Variants in CAST observed in about 807,000 individuals in gnomAD.
The protein encoded by CAST is MIR583 host.
In CAST, 76 loss-of-function variants were observed where a neutral mutation model predicts 119.6. That is an observed-to-expected ratio of 0.64 (90% CI 0.53 to 0.77). The LOEUF (loss-of-function observed/expected upper bound fraction) is 0.77, where lower values mean the gene tolerates loss of function less well. CAST is among the 30% of genes least tolerant of loss of function. The pLI is 0.00. For missense variants in CAST, 953 were observed against 946.5 expected (o/e 1.01, Z -0.09); for synonymous variants, 319 against 331.6 (o/e 0.96, Z 0.41).
At chr5:96,432,857 T>A in the CAST span, 6 of 1,612,750 alleles carry the variant, frequency 3.7e-6, no homozygotes, top group Non-Finnish European at 5.1e-6. Flanking sequence ...AAGTGGAAAC[T>A]CTTACCTGAC....
the CAST span, among the ~76,000 whole-genome samples, chr5:96,231,131 A>C: frequency 1.3e-5 from 2 of 152,176 alleles, no homozygotes; most frequent in Admixed American, 1.3e-4. Context: ...TCCTTCTAGA[A>C]TATACACCCA....
chr5:96,679,809 CTTTT>C (rs1307968696), intron 2 of CAST, among the ~76,000 whole-genome samples: 1 of 151,162 alleles, frequency 6.6e-6, no homozygotes, highest in African/African-American at 2.4e-5. Flanking sequence ...TTTTTTTTTA[CTTTT>C]TTCTTTTAAT....
In CAST at chr5:96,762,412, G is replaced by A. The variant is rs144506614; in HGVS notation, c.1932+40G>A. ...TTATTTGGGAGATAAATGTTTTTGC[G>A]CAGCCACAACTAGAAAGAAAATAGG... is the stretch of plus-strand genomic sequence containing the variant. On this transcript the variant is annotated intron_variant, in intron 25 of 31. Transcript: ENST00000675179. The A allele has an allele frequency of 2.8e-3, 4,018 of 1,430,376 alleles. 22 individuals are homozygous for A. Among genetic ancestry groups the A allele is most frequent in the East Asian group, 0.024 (991 of 41,554 alleles). 88.6% of individuals were successfully genotyped at this position (1,430,376 alleles called of 1,614,324 possible).
chr5:96,203,320 A>T, the CAST span, among the ~76,000 whole-genome samples: 3 of 148,896 alleles, frequency 2.0e-5, no homozygotes, highest in South Asian at 2.1e-4. Context: ...TATTCCACAA[A>T]TTTTTTTTTT....
rs1449740897 is a variant in CAST at position 96,534,767 on chromosome 5, AAG to A, written c.60+4889_60+4890del. 5.8e-5 allele frequency among the ~76,000 whole-genome samples: 7 copies of A among 119,688 alleles called. 1 individual carries two copies. Among genetic ancestry groups the A allele is most frequent in the African/African-American group, 2.3e-4 (7 of 30,200 alleles). The allele number at this position is 119,688 out of a possible 152,430, so 78.5% of individuals were successfully genotyped here. A position where few individuals can be genotyped will look rare whatever the true frequency, so the allele number is the denominator to read the frequency against. ...AAAGAAAGAAAGAAAGAAAGAAAGAAAGAAAGAAAGAAAGAAAGAAAGAAAGA... is the reference window on the plus strand; with the variant it reads ...AAAGAAAGAAAGAAAGAAAGAAAGAAAAAGAAAGAAAGAAAGAAAGAAAGA... On this transcript the variant is annotated intron_variant, in intron 1 of 11. Transcript: ENST00000505143.
At chr5:96,045,038 A>G in the CAST span, among the ~76,000 whole-genome samples, 1 of 152,120 alleles carries the variant, frequency 6.6e-6, no homozygotes, top group South Asian at 2.1e-4. Flanking sequence ...TGGTGGTTTC[A>G]TGGGTTTGTT....
intron 1 of CAST, among the ~76,000 whole-genome samples, chr5:96,563,828 T>C (rs1452452759): frequency 2.0e-5 from 3 of 152,206 alleles, no homozygotes; most frequent in African/African-American, 7.2e-5. Context: ...TGAGGTCTTC[T>C]GAGCCTAAAC....
chr5:96,013,625 A>T, the CAST span, among the ~76,000 whole-genome samples: 2 of 152,140 alleles, frequency 1.3e-5, no homozygotes, highest in South Asian at 4.1e-4. Context: ...ATCATAGAGT[A>T]TACTTACACA....
the CAST span, among the ~76,000 whole-genome samples, chr5:95,962,391 C>T: frequency 6.6e-6 from 1 of 152,190 alleles, no homozygotes; most frequent in East Asian, 1.9e-4. Context: ...CAGGAGGACT[C>T]GCTAGAGAGC....
the CAST span, among the ~76,000 whole-genome samples, chr5:96,368,665 A>G: frequency 6.6e-6 from 1 of 151,990 alleles, no homozygotes. Flanking sequence ...ATTTCTGTCC[A>G]CTATCTCTCT....
the CAST span, among the ~76,000 whole-genome samples, chr5:95,963,051 T>C: frequency 1.3e-5 from 2 of 152,148 alleles, no homozygotes; most frequent in African/African-American, 4.8e-5. Context: ...TGTCAGAGGA[T>C]GGATTAATTG....
chr5:96,647,771 C>A (rs1748036058), intron 1 of CAST, among the ~76,000 whole-genome samples: 1 of 152,154 alleles, frequency 6.6e-6, no homozygotes, highest in Non-Finnish European at 1.5e-5. Context: ...TTCCCGAGCT[C>A]CTTCAGAAAG....
the CAST span, among the ~76,000 whole-genome samples, chr5:96,102,580 G>T: frequency 6.6e-6 from 1 of 152,158 alleles, no homozygotes; most frequent in Non-Finnish European, 1.5e-5. Context: ...TGGCTCGAAG[G>T]TGGAGTTTTG....
the CAST span, among the ~76,000 whole-genome samples, chr5:96,166,382 AAC>A: frequency 6.6e-6 from 1 of 152,186 alleles, no homozygotes; most frequent in African/African-American, 2.4e-5. Flanking sequence ...CTGAAAATTT[AAC>A]AGTCAGCCCT....
chr5:96,481,244 T>G, the CAST span, among the ~76,000 whole-genome samples: 2 of 152,138 alleles, frequency 1.3e-5, no homozygotes, highest in Non-Finnish European at 2.9e-5. Flanking sequence ...CTTCTGTCTT[T>G]GCATACTGAC....
At chr5:96,295,489 C>T in the CAST span, among the ~76,000 whole-genome samples, 2 of 152,156 alleles carry the variant, frequency 1.3e-5, no homozygotes, top group African/African-American at 2.4e-5. Context: ...AATTTGAAGA[C>T]GAGACAAACG....
chr5:96,293,310 C>T, the CAST span, among the ~76,000 whole-genome samples: 2 of 152,210 alleles, frequency 1.3e-5, no homozygotes, highest in African/African-American at 4.8e-5. Flanking sequence ...CAGAGTTTCA[C>T]TCTTTTTGCC....
the CAST span, among the ~76,000 whole-genome samples, chr5:96,335,730 T>C: frequency 6.6e-6 from 1 of 152,206 alleles, no homozygotes; most frequent in African/African-American, 2.4e-5. Context: ...TCGGATTCAA[T>C]TGCTCAAAAG....
the CAST span, among the ~76,000 whole-genome samples, chr5:96,510,519 A>G: frequency 2.0e-5 from 3 of 152,192 alleles, no homozygotes; most frequent in African/African-American, 7.2e-5. Flanking sequence ...TTTGTTCTTA[A>G]GTTCCTACTC....
Sources: gnomAD v4.1 joint callset for allele counts (sites outside exome capture counted in the v4.1 genomes callset) on GRCh38, gnomAD v4.1.1 for gene constraint, MANE v1.5 for transcripts, NCBI Gene and HGNC (gene_info 2026-07-23, HGNC 2026-07-21) for gene names.